The following MCM3AP variants were observed in gnomAD, a reference collection of about 807,000 sequenced individuals.
MCM3AP encodes minichromosome maintenance complex component 3 associated protein.
A neutral mutation model predicts 184.1 loss-of-function variants in MCM3AP; 126 were observed. That is an observed-to-expected ratio of 0.68 (90% CI 0.59 to 0.79). The LOEUF (loss-of-function observed/expected upper bound fraction) is 0.79, where lower values mean the gene tolerates loss of function less well. Ranked by LOEUF, MCM3AP falls within the 30% of genes least tolerant of loss-of-function variation. The probability of loss-of-function intolerance (pLI) is 0.00; values close to 1 mark genes in which losing one functional copy is unlikely to be tolerated. For missense variants in MCM3AP, 2,496 were observed against 2,479.2 expected (o/e 1.01, Z -0.14); for synonymous variants, 1,002 against 979.3 (o/e 1.02, Z -0.43).
Position 46,258,985 on chromosome 21 carries a change from T to C in MCM3AP, c.3688A>G (p.Lys1230Glu), listed in dbSNP as rs762723515. The C allele has an allele frequency of 3.1e-6, 5 of 1,613,998 alleles. No individual in the cohort carries two copies. In the African/African-American group the frequency reaches 4.0e-5, roughly 13 times the overall value. ...CACTGAAGCTCCTGGAGGGTCTCCT[T>C]TGCAGTCTGGAAGATTTCCTCCACG... ...FLVEEIFQTA[K>E]ETLQELQCFC... is the part of the protein sequence containing the mutation. Residue 1230 changes from lysine to glutamate, a missense_variant, in exon 16 of 28, where the codon AAG becomes GAG. Physicochemically the swap from Lys to Glu is moderately conservative, Grantham distance 56. Transcript: ENST00000291688.
chr21:46,277,377 A>G, intron 5 of MCM3AP, 150 bp downstream of exon 5: 3 of 530,026 alleles, frequency 5.7e-6, no homozygotes, highest in Non-Finnish European at 9.9e-6. Flanking sequence ...CCAAGAAGAC[A>G]GGCAGACTAT....
In MCM3AP at chr21:46,240,992, A is replaced by T; in HGVS notation, c.5452T>A (p.Ser1818Thr). ...GRLAIKPFHP[S>T]ANNFPIPLLH... is the part of the protein sequence containing the mutation. ...AATGGTATGGGAAAATTGTTTGCAG[A>T]AGGATGAAAAGGCTTTATTGCCAAA... Residue 1818 changes from serine to threonine, a missense_variant, in exon 26 of 28, where the codon TCT becomes ACT. Coordinates refer to ENST00000291688, the MANE Select transcript of MCM3AP (RefSeq NM_003906.5). 1 of 1,613,788 alleles carries T rather than the reference A, an allele frequency of 6.2e-7. No homozygotes were observed. The highest frequency in any genetic ancestry group is 8.5e-7 in the Non-Finnish European group (1 of 1,179,906).
In MCM3AP at chr21:46,261,379, G is replaced by A. The variant is rs2081039174; in HGVS notation, c.3368C>T (p.Thr1123Ile). ...CCTCAAAATGCCCGTGGTTGCAGCT[G>A]TTAACAAATCCTCCATAGCAGCATT... ...VSNAAMEDLL[T>I]AATTGILRHI... The change falls in exon 14 of 28, where the codon ACA (threonine) becomes ATA (isoleucine). Residue 1123 changes from threonine (T) to isoleucine (I), a missense_variant. Thr to Ile is a moderately conservative substitution (Grantham distance 89). Transcript: ENST00000291688. The A allele has an allele frequency of 1.2e-6, 2 of 1,613,998 alleles. No homozygotes were observed. Among genetic ancestry groups the A allele is most frequent in the Non-Finnish European group, 1.7e-6 (2 of 1,179,996 alleles).
At chr21:46,278,163 C>T (rs1203525940) in intron 4 of MCM3AP, among the ~76,000 whole-genome samples, 7 of 114,458 alleles carry the variant, frequency 6.1e-5, no homozygotes, top group South Asian at 5.3e-4. Flanking sequence ...TACCACCCCC[C>T]GAAAAAAAAA....
At chr21:46,250,083 CGA>C (rs1422970773) in intron 20 of MCM3AP, 1 of 152,608 alleles carries the variant, frequency 6.6e-6, no homozygotes, top group African/African-American at 2.4e-5. Context: ...AAAACTCTAC[CGA>C]GATATATACG....
intron 4 of MCM3AP, 93 bp downstream of exon 4, chr21:46,279,900 T>A: frequency 4.8e-6 from 6 of 1,257,830 alleles, no homozygotes; most frequent in Non-Finnish European, 5.4e-6. Flanking sequence ...TCCTCACCAC[T>A]CCCCACAGTC....
chr21:46,283,968 T>C, intron 1 of MCM3AP, 100 bp downstream of exon 1: 1 of 1,541,572 alleles, frequency 6.5e-7, no homozygotes, highest in East Asian at 2.3e-5. Flanking sequence ...TCCCTAATGT[T>C]TATGGGAGAT....
At chr21:46,261,478 T>C (rs2081040749) in intron 13 of MCM3AP, 67 bp from the exon 14 acceptor site, 2 of 1,470,126 alleles carry the variant, frequency 1.4e-6, no homozygotes, top group Admixed American at 1.7e-5. Flanking sequence ...CTCACGCCTG[T>C]AATCCCAGCA....
rs1206924008 is a variant in MCM3AP at position 46,284,879 on chromosome 21, G to A, written c.408C>T (p.Asn136=). 1 of 1,614,198 alleles carries A rather than the reference G, an allele frequency of 6.2e-7. No individual in the cohort carries two copies. Among genetic ancestry groups the A allele is most frequent in the Non-Finnish European group, 8.5e-7 (1 of 1,180,038 alleles). The change falls in exon 1 of 28, where the codon AAC becomes AAT. Residue 136 remains asparagine, a synonymous_variant. Coordinates refer to ENST00000291688, the MANE Select transcript of MCM3AP (RefSeq NM_003906.5). The stretch of plus-strand genomic sequence containing the variant: ...TGAATTCTGTTTTCCCAAAACCAGA[G>A]TTCACTATTTCTCCAGCTTCTTGTC... ...AFGQEAGEIV[N]SGFGKTEFSF...
rs1007618097 is a variant in MCM3AP at position 46,283,039 on chromosome 21, C to A, written c.1443+576G>T. ...CTCCCGGATTCAAGCAATTCTCCTG[C>A]CTCAGCCTCCCGAGTAGCTGAGATG... is the stretch of plus-strand genomic sequence containing the variant. On this transcript the variant is annotated intron_variant, in intron 2 of 27. Transcript: ENST00000291688. 5.3e-5 allele frequency among the ~76,000 whole-genome samples: 8 copies of A among 151,792 alleles called. No homozygotes were observed. In the East Asian group the frequency reaches 1.6e-3, roughly 30 times the overall value.
Position 46,271,871 on chromosome 21 carries a change from T to C in MCM3AP, c.2465+690A>G, listed in dbSNP as rs577422041. 1.9e-4 allele frequency among the ~76,000 whole-genome samples: 29 copies of C among 150,616 alleles called. No individual in the cohort carries two copies. The South Asian group carries it at 3.2e-3, about 16-fold the overall frequency. ...GCAGGACTCGGTCTCAAAAATAAAA[T>C]GAAATAAAAAATTAAAATCAACCAC... On this transcript the variant is annotated intron_variant, in intron 8 of 27. Transcript: ENST00000291688.
intron 25 of MCM3AP, 105 bp downstream of exon 25, chr21:46,242,697 G>T: frequency 1.8e-6 from 2 of 1,140,152 alleles, no homozygotes; most frequent in South Asian, 1.5e-5. Flanking sequence ...GTCACAGTCT[G>T]CCCACAGTGG....
In MCM3AP at chr21:46,261,357, C is replaced by T; in HGVS notation, c.3390G>A (p.Leu1130=). The T allele has an allele frequency of 6.2e-7, 1 of 1,614,158 alleles. No homozygotes were observed. Among genetic ancestry groups the T allele is most frequent in the Non-Finnish European group, 8.5e-7 (1 of 1,180,016 alleles). ...DLLTAATTGI[L]RHIAAEEVSK... is the part of the protein sequence containing the mutation. ...ACACTTCTTCAGCTGCAATGTGCCT[C>T]AAAATGCCCGTGGTTGCAGCTGTTA... The change falls in exon 14 of 28, where the codon TTG becomes TTA. Residue 1130 remains leucine, a synonymous_variant. Transcript: ENST00000291688.
rs1266467642 is a variant in MCM3AP, at chr21:46,277,527, C to T, written c.1858G>A (p.Ala620Thr). The change falls in exon 5 of 28, where the codon GCT becomes ACT. Residue 620 changes from alanine to threonine, a missense_variant and splice_region_variant. Coordinates refer to ENST00000291688, the MANE Select transcript of MCM3AP (RefSeq NM_003906.5). ...GAACCTCTGCCACCAAGTGCCATAC[C>T]TTGCCGCATGATCCTGTCTCTCTGG... Reference protein sequence around the residue: ...LDQRDRIMRQARVKRTDLDKA... With the variant: ...LDQRDRIMRQTRVKRTDLDKA... 6.4e-7 allele frequency: 1 copy of T among 1,564,796 alleles called. No individual in the cohort carries two copies. Among genetic ancestry groups the T allele is most frequent in the Admixed American group, 1.9e-5 (1 of 52,806 alleles).
At chr21:46,275,131 G>A in intron 6 of MCM3AP, 55 bp downstream of exon 6, 1 of 1,548,224 alleles carries the variant, frequency 6.5e-7, no homozygotes, top group Non-Finnish European at 8.7e-7. Context: ...GTACAGAAAT[G>A]ACAAAAGCAG....
At position 46,272,742 on chromosome 21, in the gene MCM3AP, T is replaced by A. The variant is rs761026666; in HGVS notation, c.2284A>T (p.Met762Leu). The change falls in exon 8 of 28, where the codon ATG becomes TTG. Residue 762 changes from methionine to leucine, a missense_variant. Coordinates refer to ENST00000291688, the MANE Select transcript of MCM3AP (RefSeq NM_003906.5). ...TRFHIHCAHF[M>L]CEEPMSSFDA... ...AAGGAGGACATGGGCTCCTCACACA[T>A]GAAGTGGGCACAGTGGATGTGAAAC... The A allele has an allele frequency of 6.8e-6, 11 of 1,613,976 alleles. No individual in the cohort carries two copies. The highest frequency in any genetic ancestry group is 9.3e-6 in the Non-Finnish European group (11 of 1,180,010).
chr21:46,252,474 G>C (rs2080889090), intron 19 of MCM3AP: 1 of 151,988 alleles, frequency 6.6e-6, no homozygotes, highest in Admixed American at 6.6e-5. Flanking sequence ...TGGATCGCTT[G>C]AGCCCAGTTT....
At chr21:46,256,283 G>A (rs1188243162) in intron 17 of MCM3AP, among the ~76,000 whole-genome samples, 1 of 152,160 alleles carries the variant, frequency 6.6e-6, no homozygotes. Flanking sequence ...AGGAGTGGCA[G>A]GGAGGACCAG....
At chr21:46,280,184 C>G (rs1322140664) in intron 3 of MCM3AP, 47 bp from the exon 4 acceptor site, 2 of 1,590,122 alleles carry the variant, frequency 1.3e-6, no homozygotes, top group African/African-American at 1.4e-5. Context: ...CACAGATCAC[C>G]TGGAACTGGA....
Sources: gnomAD v4.1 joint callset for allele counts (sites outside exome capture counted in the v4.1 genomes callset) on GRCh38, gnomAD v4.1.1 for gene constraint, MANE v1.5 for transcripts, NCBI Gene and HGNC (gene_info 2026-07-23, HGNC 2026-07-21) for gene names.